CNGB1: variants seen among roughly 807,000 people sequenced by gnomAD.
CNGB1 encodes cyclic nucleotide-gated channel beta-1.
CNGB1 carries 126 observed loss-of-function variants against 151.7 expected under a neutral mutation model. That is an observed-to-expected ratio of 0.83 (90% confidence interval 0.72 to 0.96). The LOEUF is 0.96. Ranked by LOEUF, CNGB1 falls within the 40% of genes least tolerant of loss-of-function variation. CNGB1 has a pLI of 0.00. For synonymous variants in CNGB1, 623 were observed against 635.1 expected, an observed-to-expected ratio of 0.98 and a Z score of 0.29; for missense variants, 1,698 against 1,627.0, an observed-to-expected ratio of 1.04 and a Z score of -0.75.
chr16:57,921,801 G>T (rs1377479534), intron 18 of CNGB1, among the ~76,000 whole-genome samples: 6 of 152,152 alleles, frequency 3.9e-5, no homozygotes, highest in Admixed American at 3.3e-4. Flanking sequence ...TGTCATCTGG[G>T]TCCCTAAATG....
At chr16:57,936,799 C>CA (rs11400925) in intron 16 of CNGB1, among the ~76,000 whole-genome samples, 33,338 of 128,548 alleles carry the variant, frequency 0.26, 3,817 homozygotes, top group South Asian at 0.4. Context: ...AACAAACAAA[C>CA]AAAAAAAAAA....
In CNGB1 at chr16:57,920,554, C is replaced by A; in HGVS notation, c.1644-10G>T. On this transcript the variant is annotated splice_polypyrimidine_tract_variant and intron_variant, in intron 18 of 32. Transcript: ENST00000251102. ...CGCACGGTCCTGGCCACTGTGGGAA[C>A]ATCACCCAAAGCTGAGCAGGCTGAG... is the stretch of plus-strand genomic sequence containing the variant. 1 of 1,611,430 alleles carries A rather than the reference C, an allele frequency of 6.2e-7. No homozygotes were observed. The highest frequency in any genetic ancestry group is 8.5e-7 in the Non-Finnish European group (1 of 1,179,990).
intron 4 of CNGB1, among the ~76,000 whole-genome samples, chr16:57,963,637 T>C (rs1461486984): frequency 1.3e-5 from 2 of 152,112 alleles, no homozygotes; most frequent in African/African-American, 4.8e-5. Context: ...GGAGATTCCA[T>C]GCAAAAGCCT....
At chr16:57,923,497 G>A in intron 17 of CNGB1, 117 bp from the exon 18 acceptor site, 1 of 829,878 alleles carries the variant, frequency 1.2e-6, no homozygotes, top group South Asian at 1.4e-5. Context: ...GAGGATGGGG[G>A]GCGGAGCATG....
chr16:57,923,471 A>G, intron 17 of CNGB1, 91 bp from the exon 18 acceptor site: 1 of 1,046,266 alleles, frequency 9.6e-7, no homozygotes, highest in Non-Finnish European at 1.5e-6. Flanking sequence ...GATCATCTAG[A>G]GCCAATTCCT....
At chr16:57,899,836 C>A (rs2149356622) in intron 29 of CNGB1, among the ~76,000 whole-genome samples, 1 of 152,098 alleles carries the variant, frequency 6.6e-6, no homozygotes, top group African/African-American at 2.4e-5. Context: ...GTGAAGGGAC[C>A]CTCACCTCAG....
At chr16:57,960,364 C>T in intron 9 of CNGB1, 118 bp downstream of exon 9, 1 of 1,365,630 alleles carries the variant, frequency 7.3e-7, no homozygotes, top group Non-Finnish European at 1.0e-6. Flanking sequence ...GCCCTGAACC[C>T]CGTCCTAGTC....
intron 17 of CNGB1, among the ~76,000 whole-genome samples, chr16:57,924,004 G>T (rs1026482030): frequency 1.4e-4 from 22 of 152,116 alleles, no homozygotes; most frequent in Non-Finnish European, 2.1e-4. Context: ...GTCTGCCATG[G>T]AGTACCTCAT....
chr16:57,939,660 G>A (rs1327794620), intron 15 of CNGB1, 68 bp from the exon 16 acceptor site: 2 of 1,597,344 alleles, frequency 1.3e-6, no homozygotes, highest in African/African-American at 1.3e-5. Context: ...AGCAGCTCCT[G>A]TTAGATCTGC....
intron 22 of CNGB1, 27 bp downstream of exon 22, chr16:57,916,102 G>A (rs778414022): frequency 8.1e-6 from 13 of 1,613,016 alleles, no homozygotes; most frequent in Admixed American, 6.7e-5. Context: ...CCCCGCAGAC[G>A]CTAAACCTTG....
chr16:57,949,456 G>A lies in CNGB1; in HGVS notation c.1035-17C>T, dbSNP rs1279640992. 2 of 1,613,420 alleles carry A rather than the reference G, an allele frequency of 1.2e-6. No homozygotes were observed. The highest frequency in any genetic ancestry group is 1.1e-5 in the South Asian group (1 of 91,078). On this transcript the variant is annotated splice_polypyrimidine_tract_variant and intron_variant, in intron 13 of 32. Coordinates refer to ENST00000251102, the MANE Select transcript of CNGB1 (RefSeq NM_001297.5). ...GACAGCTCTCTGAGTTGGGGTTAGA[G>A]GCAGGAGGTGAGCCCACCCGAAGCT... is the stretch of plus-strand genomic sequence containing the variant.
chr16:57,897,546 G>A lies in CNGB1; in HGVS notation c.3096-3C>T. On this transcript the variant is annotated splice_polypyrimidine_tract_variant and splice_region_variant and intron_variant, in intron 30 of 32. Transcript: ENST00000251102. The stretch of plus-strand genomic sequence containing the variant: ...TCCCGCCCCCAACAGCCAGCAAGCT[G>A]GGGCAGAGAAGGGAGGAAGGAGGCC... The A allele has an allele frequency of 6.2e-7, 1 of 1,613,922 alleles. No homozygotes were observed.
At chr16:57,924,739 G>A (rs576038413) in intron 17 of CNGB1, among the ~76,000 whole-genome samples, 12 of 152,234 alleles carry the variant, frequency 7.9e-5, no homozygotes, top group African/African-American at 2.4e-4. Flanking sequence ...TCACGGGGGC[G>A]GAGTTCTCAT....
Position 57,908,068 on chromosome 16 carries a change from TTTTGTAGAGAG to T in CNGB1, c.2493-3204_2493-3194del, listed in dbSNP as rs113825028. ...CATGCCCAACTAAGTTTTGTATTTTTTTTGTAGAGAGGGGGTCTCCCCATATTGCCTAGGCT... is the reference window on the plus strand; with the variant it reads ...CATGCCCAACTAAGTTTTGTATTTTTGGGGTCTCCCCATATTGCCTAGGCT... On this transcript the variant is annotated intron_variant, in intron 25 of 32. Coordinates refer to ENST00000251102, the MANE Select transcript of CNGB1 (RefSeq NM_001297.5). 8.4e-3 allele frequency among the ~76,000 whole-genome samples: 1,287 copies of T among 152,338 alleles called. 22 individuals carry two copies. The highest frequency in any genetic ancestry group is 0.028 in the African/African-American group (1,170 of 41,582).
intron 25 of CNGB1, among the ~76,000 whole-genome samples, chr16:57,905,498 C>T (rs1026937982): frequency 5.3e-5 from 8 of 152,210 alleles, no homozygotes; most frequent in Non-Finnish European, 1.0e-4. Context: ...TGTGAACCTT[C>T]TGGAAGGGAG....
intron 14 of CNGB1, among the ~76,000 whole-genome samples, chr16:57,943,437 C>T (rs184712321): frequency 3.9e-5 from 6 of 152,116 alleles, no homozygotes; most frequent in East Asian, 3.9e-4. Context: ...TTTGGGAAGC[C>T]GAGGTGGGTG....
chr16:57,891,676 C>A (rs1000651889), intron 31 of CNGB1, among the ~76,000 whole-genome samples: 2 of 152,088 alleles, frequency 1.3e-5, no homozygotes, highest in African/African-American at 2.4e-5. Flanking sequence ...CCTGCCTCAG[C>A]CTCCCGGGTA....
chr16:57,904,851 A>G lies in CNGB1; in HGVS notation c.2517T>C (p.Ala839=), dbSNP rs17821412. Residue 839 remains alanine, a synonymous_variant, in exon 26 of 33, where the codon GCT becomes GCC. Coordinates refer to ENST00000251102, the MANE Select transcript of CNGB1 (RefSeq NM_001297.5). ...GNSYIRCYYF[A]VKTLITIGGL... ...CCCCGATGGTGATGAGGGTCTTCAC[A>G]GCAAAGTAGTAACAGCGAATATAAC... 0.033 allele frequency: 53,114 copies of G among 1,614,196 alleles called. 1,309 individuals are homozygous for G. Among genetic ancestry groups the G allele is most frequent in the Non-Finnish European group, 0.036 (42,795 of 1,180,014 alleles).
intron 21 of CNGB1, 22 bp downstream of exon 21, chr16:57,917,246 A>T: frequency 6.2e-7 from 1 of 1,604,584 alleles, no homozygotes; most frequent in Non-Finnish European, 8.5e-7. Flanking sequence ...GGTCACCCCA[A>T]CACCACCTGC....
Sources: allele counts gnomAD v4.1 joint callset (sites outside exome capture counted in the v4.1 genomes callset), GRCh38; gene constraint gnomAD v4.1.1; transcripts MANE v1.5; gene names NCBI Gene and HGNC (gene_info 2026-07-23, HGNC 2026-07-21).